CSGALNACT1: variants seen among roughly 807,000 people sequenced by gnomAD.
CSGALNACT1 encodes the protein chondroitin sulfate N-acetylgalactosaminyltransferase 1.
Under a neutral mutation model 51.0 loss-of-function variants are expected in CSGALNACT1, and 52 were observed. The observed-to-expected ratio is 1.02, with a 90% CI of 0.82 to 1.29. CSGALNACT1 has a LOEUF of 1.29. Among genes scored for constraint, CSGALNACT1 ranks in the 50% most tolerant of loss-of-function variants. The pLI, the probability that CSGALNACT1 is intolerant of heterozygous loss-of-function variation, is 0.00. For synonymous variants in CSGALNACT1, 341 were observed against 254.4 expected (o/e 1.34, Z -3.24); for missense variants, 935 against 679.2 (o/e 1.38, Z -4.19).
intron 1 of CSGALNACT1, among the ~76,000 whole-genome samples, chr8:19,628,163 A>G (rs1382987442): frequency 6.6e-6 from 1 of 152,208 alleles, no homozygotes; most frequent in African/African-American, 2.4e-5. Context: ...GTCAGTTCTC[A>G]CACTGCTATA....
intron 1 of CSGALNACT1, among the ~76,000 whole-genome samples, chr8:19,716,756 C>T (rs1036905320): frequency 6.6e-6 from 1 of 151,776 alleles, no homozygotes; most frequent in Non-Finnish European, 1.5e-5. Context: ...CGTACCACCG[C>T]ACTCCAACCT....
chr8:19,519,129 T>C (rs182681946), intron 3 of CSGALNACT1, among the ~76,000 whole-genome samples: 51 of 152,316 alleles, frequency 3.3e-4, no homozygotes, highest in Admixed American at 2.9e-3. Context: ...CATTAAAAGA[T>C]ACAGGTAAAA....
chr8:19,564,949 G>C (rs749124766), intron 3 of CSGALNACT1, among the ~76,000 whole-genome samples: 1 of 152,188 alleles, frequency 6.6e-6, no homozygotes. Flanking sequence ...ACAAGTGAGT[G>C]AACATATCTA....
intron 1 of CSGALNACT1, chr8:19,732,506 AT>A (rs1269863458): frequency 6.6e-6 from 1 of 152,196 alleles, no homozygotes; most frequent in African/African-American, 2.4e-5. Flanking sequence ...TGAAAATAGA[AT>A]AAAAAGCAGC....
intron 3 of CSGALNACT1, among the ~76,000 whole-genome samples, chr8:19,515,917 A>C (rs1298565513): frequency 6.6e-6 from 1 of 152,158 alleles, no homozygotes; most frequent in Non-Finnish European, 1.5e-5. Context: ...GGACACTGGC[A>C]TAAGAAGATG....
intron 2 of CSGALNACT1, among the ~76,000 whole-genome samples, chr8:19,594,800 C>T (rs1028625090): frequency 6.6e-6 from 1 of 152,036 alleles, no homozygotes; most frequent in Non-Finnish European, 1.5e-5. Context: ...GATCCACCCA[C>T]CTTGGCCTTC....
intron 3 of CSGALNACT1, among the ~76,000 whole-genome samples, chr8:19,528,347 T>C (rs2082107488): frequency 6.6e-6 from 1 of 151,210 alleles, no homozygotes. Context: ...GGTCATGTTA[T>C]TCCGCTATTA....
intron 4 of CSGALNACT1, among the ~76,000 whole-genome samples, chr8:19,498,729 T>C (rs956796034): frequency 2.0e-5 from 3 of 152,226 alleles, no homozygotes; most frequent in Non-Finnish European, 2.9e-5. Flanking sequence ...AGTTCCTTCA[T>C]CTTTGACCTC....
At chr8:19,666,982 A>G (rs1323740225) in intron 1 of CSGALNACT1, among the ~76,000 whole-genome samples, 1 of 15,208 alleles carries the variant, frequency 6.6e-5, no homozygotes, top group African/African-American at 5.1e-4. Flanking sequence ...AAAGAAAGAA[A>G]GAAAGAAAGA....
chr8:19,452,223 G>A (rs1373773762), intron 5 of CSGALNACT1, among the ~76,000 whole-genome samples: 3 of 152,202 alleles, frequency 2.0e-5, no homozygotes, highest in Non-Finnish European at 4.4e-5. Flanking sequence ...GAAAACAGAG[G>A]AGACACAGAT....
rs952879769 is a variant in CSGALNACT1, at chr8:19,423,181, G to C, written c.954-2663C>G. On this transcript the variant is annotated intron_variant, in intron 6 of 9. Coordinates refer to ENST00000454498, the Ensembl canonical transcript of CSGALNACT1. ...TTTTGCCAAGGGAAGAAGAACATAG[G>C]CTCTTAATAGGCTGCATTAAATGAG... 2.0e-5 allele frequency among the ~76,000 whole-genome samples: 3 copies of C among 152,122 alleles called. 1 individual carries two copies. The highest frequency in any genetic ancestry group is 4.4e-5 in the Non-Finnish European group (3 of 68,016).
intron 5 of CSGALNACT1, among the ~76,000 whole-genome samples, chr8:19,440,703 G>A (rs1038589219): frequency 6.6e-6 from 1 of 151,748 alleles, no homozygotes; most frequent in African/African-American, 2.4e-5. Context: ...ACATAGTGTT[G>A]GAAGTTCTGG....
In CSGALNACT1 at chr8:19,439,812, G is replaced by A. The variant is rs1378642878; in HGVS notation, c.953+18C>T. 2 of 1,584,202 alleles carry A rather than the reference G, an allele frequency of 1.3e-6. No individual in the cohort carries two copies. The highest frequency in any genetic ancestry group is 1.7e-5 in the Admixed American group (1 of 59,924). ...TCAGTTACCAGGATTCCTTATGACA[G>A]CTCCGTATTGTACTCACTTGGAAGT... On this transcript the variant is annotated intron_variant, in intron 6 of 9. Coordinates refer to ENST00000454498, the Ensembl canonical transcript of CSGALNACT1.
exon 10 of CSGALNACT1, chr8:19,405,760 C>A: frequency 1.2e-6 from 2 of 1,614,052 alleles, no homozygotes; most frequent in South Asian, 2.2e-5. Flanking sequence ...AAGTGTCTCC[C>A]ACAATCCTTC....
chr8:19,738,859 G>A (rs373239155), intron 1 of CSGALNACT1, among the ~76,000 whole-genome samples: 6 of 152,022 alleles, frequency 3.9e-5, no homozygotes, highest in East Asian at 3.9e-4. Flanking sequence ...TATAAGTAAC[G>A]TTGATAGAAA....
chr8:19,699,051 T>C (rs1205805501), intron 1 of CSGALNACT1, among the ~76,000 whole-genome samples: 3 of 152,350 alleles, frequency 2.0e-5, no homozygotes, highest in African/African-American at 4.8e-5. Flanking sequence ...TTTTCTTTTT[T>C]TTGCTTTGTT....
chr8:19,700,832 T>TA (rs1300832055), intron 1 of CSGALNACT1, among the ~76,000 whole-genome samples: 3 of 152,174 alleles, frequency 2.0e-5, no homozygotes, highest in Non-Finnish European at 4.4e-5. Flanking sequence ...CAGTAGCCCC[T>TA]AGTTTCCCAT....
intron 1 of CSGALNACT1, among the ~76,000 whole-genome samples, chr8:19,624,002 C>G (rs781166515): frequency 6.6e-6 from 1 of 152,228 alleles, no homozygotes; most frequent in African/African-American, 2.4e-5. Context: ...CGGGCAGCTA[C>G]TCCATGGAAC....
chr8:19,601,057 T>C (rs945238994), intron 2 of CSGALNACT1, among the ~76,000 whole-genome samples: 1 of 152,220 alleles, frequency 6.6e-6, no homozygotes, highest in African/African-American at 2.4e-5. Flanking sequence ...ACATTAATGA[T>C]ATTTTACAGT....
Sources: gnomAD v4.1 joint callset for allele counts (sites outside exome capture counted in the v4.1 genomes callset) on GRCh38, gnomAD v4.1.1 for gene constraint, MANE v1.5 for transcripts, NCBI Gene and HGNC (gene_info 2026-07-23, HGNC 2026-07-21) for gene names.